ADGRA3: variants seen among roughly 807,000 people sequenced by gnomAD.
ADGRA3 encodes G-protein coupled receptor 125.
ADGRA3 carries 56 observed loss-of-function variants against 119.8 expected under a neutral mutation model. The ratio of observed to expected loss-of-function variants is 0.47; its 90% confidence interval spans 0.38 to 0.58. The LOEUF (loss-of-function observed/expected upper bound fraction) is 0.58, where lower values mean the gene tolerates loss of function less well. Among genes scored for constraint, ADGRA3 ranks in the 20% least tolerant of loss-of-function variants. The pLI is 0.00. For synonymous variants in ADGRA3, 607 were observed against 623.8 expected (o/e 0.97, Z 0.40); for missense variants, 1,516 against 1,649.0 (o/e 0.92, Z 1.40).
chr4:22,471,239 C>T (rs146401776), intron 2 of ADGRA3, among the ~76,000 whole-genome samples: 11 of 152,138 alleles, frequency 7.2e-5, no homozygotes, highest in African/African-American at 2.7e-4. Context: ...TATGTTCCCA[C>T]TTATAAGGGG....
In ADGRA3 at chr4:22,506,508, G is replaced by A. The variant is rs934705950; in HGVS notation, c.257+9020C>T. ...GCAGAGGTTACACTGAGCCAAGATC[G>A]CACCACTGCACTCCAGCCTGGGTGA... On this transcript the variant is annotated intron_variant, in intron 1 of 18. Coordinates refer to ENST00000334304, the MANE Select transcript of ADGRA3 (RefSeq NM_145290.4). Among the ~76,000 whole-genome samples, 3 of 152,144 alleles carry A rather than the reference G, an allele frequency of 2.0e-5. 1 individual carries two copies. The highest frequency in any genetic ancestry group is 7.2e-5 in the African/African-American group (3 of 41,410).
intron 1 of ADGRA3, among the ~76,000 whole-genome samples, chr4:22,500,115 A>C (rs992823408): frequency 6.6e-6 from 1 of 152,162 alleles, no homozygotes; most frequent in African/African-American, 2.4e-5. Flanking sequence ...GTCGACCTGC[A>C]CTTTGCTTTT....
At chr4:22,496,844 G>A (rs1718846318) in intron 1 of ADGRA3, among the ~76,000 whole-genome samples, 1 of 152,110 alleles carries the variant, frequency 6.6e-6, no homozygotes. Context: ...GGGGCCACTG[G>A]CAAATGATGG....
At chr4:22,407,271 A>G (rs1028217136) in intron 14 of ADGRA3, among the ~76,000 whole-genome samples, 2 of 152,198 alleles carry the variant, frequency 1.3e-5, no homozygotes, top group African/African-American at 2.4e-5. Context: ...ACTCCGCCTC[A>G]AAAAGAAAAA....
At chr4:22,435,540 C>G in intron 9 of ADGRA3, 74 bp from the exon 10 acceptor site, 1 of 1,308,618 alleles carries the variant, frequency 7.6e-7, no homozygotes, top group Non-Finnish European at 1.0e-6. Flanking sequence ...GACATTTTAA[C>G]TTTGCATTTC....
rs748848943 is a variant in ADGRA3 at position 22,388,478 on chromosome 4, G to A, written c.3193C>T (p.Arg1065Trp). The change falls in exon 19 of 19, where the codon CGG becomes TGG. Residue 1065 changes from arginine to tryptophan, a missense_variant. Arg to Trp is a moderately radical substitution (Grantham distance 101). This residue lies in a region of ADGRA3 where 1,088 missense variants were observed against 1,107.1 expected (regional missense o/e 0.98). Transcript: ENST00000334304. ...TTGACTTGCACTGAATACGAGCTCC[G>A]TCCTGGGCAGCAAGTCATGATCCAC... ...LAWIMTCCPG[R>W]SSYSVQVNVQ... The A allele has an allele frequency of 6.8e-6, 11 of 1,614,002 alleles. No individual in the cohort carries two copies. The highest frequency in any genetic ancestry group is 4.5e-5 in the East Asian group (2 of 44,840).
intron 1 of ADGRA3, among the ~76,000 whole-genome samples, chr4:22,501,025 C>T (rs1719032121): frequency 6.6e-6 from 1 of 152,130 alleles, no homozygotes; most frequent in Non-Finnish European, 1.5e-5. Context: ...GACTAACACC[C>T]TCCCGTCCAC....
chr4:22,448,751 G>A (rs1331913361), intron 4 of ADGRA3, among the ~76,000 whole-genome samples: 1 of 152,066 alleles, frequency 6.6e-6, no homozygotes, highest in Non-Finnish European at 1.5e-5. Flanking sequence ...CACTGGATTG[G>A]TTTTTATATT....
chr4:22,425,418 T>C (rs759669752), intron 10 of ADGRA3, among the ~76,000 whole-genome samples: 11 of 152,186 alleles, frequency 7.2e-5, no homozygotes, highest in Non-Finnish European at 1.5e-4. Flanking sequence ...CAACCAACTA[T>C]TGTTTACTAT....
At position 22,454,951 on chromosome 4, in the gene ADGRA3, T is replaced by C. The variant is rs73112202; in HGVS notation, c.402-14A>G. 2,380 of 1,598,286 alleles carry C rather than the reference T, an allele frequency of 1.5e-3. 26 individuals carry two copies. The African/African-American group carries it at 0.026, about 18-fold the overall frequency. On this transcript the variant is annotated splice_polypyrimidine_tract_variant and intron_variant, in intron 3 of 18. Transcript: ENST00000334304. Reference sequence around the variant, plus strand: ...TTTGTCAGATCCCTAAGGAGAAGGGTGGAAAAGTGTCTTCAATTAGTTCTC... The same window carrying C: ...TTTGTCAGATCCCTAAGGAGAAGGGCGGAAAAGTGTCTTCAATTAGTTCTC...
At chr4:22,508,519 T>C (rs1015896876) in intron 1 of ADGRA3, among the ~76,000 whole-genome samples, 1 of 152,214 alleles carries the variant, frequency 6.6e-6, no homozygotes, top group African/African-American at 2.4e-5. Context: ...GTGCTGGGTA[T>C]TGAGAAATCA....
chr4:22,452,925 G>A (rs565214549), intron 4 of ADGRA3, among the ~76,000 whole-genome samples: 26 of 152,154 alleles, frequency 1.7e-4, no homozygotes, highest in African/African-American at 5.5e-4. Context: ...ACAGCCAGGC[G>A]TGGTGGCTCA....
At chr4:22,498,629 A>G (rs1288092395) in intron 1 of ADGRA3, among the ~76,000 whole-genome samples, 2 of 151,902 alleles carry the variant, frequency 1.3e-5, no homozygotes, top group Non-Finnish European at 2.9e-5. Flanking sequence ...AAAAGAAAAA[A>G]GGAGGGCCAG....
chr4:22,436,431 T>C lies in ADGRA3; in HGVS notation c.1287+9A>G. ...ACAACCCAAGTAAACATGAAGACTTTCTAGTTACCTGATTAAACATATAAA... is the reference window on the plus strand; with the variant it reads ...ACAACCCAAGTAAACATGAAGACTTCCTAGTTACCTGATTAAACATATAAA... On this transcript the variant is annotated intron_variant, in intron 9 of 18. Coordinates refer to ENST00000334304, the MANE Select transcript of ADGRA3 (RefSeq NM_145290.4). 3.1e-6 allele frequency: 5 copies of C among 1,606,872 alleles called. No individual in the cohort carries two copies. Among genetic ancestry groups the C allele is most frequent in the Non-Finnish European group, 4.3e-6 (5 of 1,175,398 alleles).
At chr4:22,424,619 A>C (rs1715858270) in intron 10 of ADGRA3, among the ~76,000 whole-genome samples, 1 of 152,214 alleles carries the variant, frequency 6.6e-6, no homozygotes, top group South Asian at 2.1e-4. Flanking sequence ...TGTTATCTCA[A>C]ATGGAGGAAA....
rs150741187 is a variant in ADGRA3 at position 22,392,618 on chromosome 4, T to C, written c.2554A>G (p.Lys852Glu). 3 of 1,614,036 alleles carry C rather than the reference T, an allele frequency of 1.9e-6. No individual in the cohort carries two copies. The highest frequency in any genetic ancestry group is 2.5e-6 in the Non-Finnish European group (3 of 1,179,910). The change falls in exon 17 of 19, where the codon AAA (lysine) becomes GAA (glutamate). Residue 852 changes from lysine (K) to glutamate (E), a missense_variant. Around this residue, in one of 2 missense-constraint regions of ADGRA3, gnomAD observed 1,088 missense variants for 1,107.1 expected, o/e 0.98. Transcript: ENST00000334304. The part of the protein sequence containing the change: ...WVGVTARNIY[K>E]QVTKKAKRCQ... ...CTTTTAGCTTTTTTAGTGACTTGTTTGTAGATATTTCGAGCTGTCACTCCT... is the reference window on the plus strand; with the variant it reads ...CTTTTAGCTTTTTTAGTGACTTGTTCGTAGATATTTCGAGCTGTCACTCCT...
intron 1 of ADGRA3, among the ~76,000 whole-genome samples, chr4:22,481,345 G>T (rs116320090): frequency 4.6e-5 from 7 of 152,226 alleles, no homozygotes; most frequent in Non-Finnish European, 1.0e-4. Context: ...CCCCAGTCAT[G>T]AAAACTGGTG....
intron 1 of ADGRA3, among the ~76,000 whole-genome samples, chr4:22,508,936 G>A (rs1224478915): frequency 6.6e-6 from 1 of 152,090 alleles, no homozygotes; most frequent in Non-Finnish European, 1.5e-5. Context: ...AAGCAACGGG[G>A]CCAAAATTCC....
chr4:22,398,036 C>CT, intron 16 of ADGRA3: 1 of 980,956 alleles, frequency 1.0e-6, no homozygotes, highest in South Asian at 4.7e-5. Context: ...AGGAGAAAGA[C>CT]TGAGAACACA....
Sources: allele counts gnomAD v4.1 joint callset (sites outside exome capture counted in the v4.1 genomes callset), GRCh38; gene constraint gnomAD v4.1.1; regional missense constraint gnomAD v4.1.1; transcripts MANE v1.5; gene names NCBI Gene and HGNC (gene_info 2026-07-23, HGNC 2026-07-21).